FLAD1: variants seen among roughly 807,000 people sequenced by gnomAD.
The protein encoded by FLAD1 is bifunctional FAD diphosphatase/FAD synthase.
FLAD1 carries 35 observed loss-of-function variants against 55.0 expected under a neutral mutation model. The observed-to-expected ratio is 0.64, with a 90% CI of 0.49 to 0.84. The LOEUF (loss-of-function observed/expected upper bound fraction) is 0.84. FLAD1 is among the 40% of genes least tolerant of loss of function. FLAD1 has a pLI of 0.00. For synonymous variants in FLAD1, 267 were observed against 303.0 expected (o/e 0.88, Z 1.23); for missense variants, 665 against 742.6 (o/e 0.90, Z 1.21).
In FLAD1 at chr1:154,992,889, C is replaced by T. The variant is rs1571492820; in HGVS notation, c.1629-13C>T. On this transcript the variant is annotated splice_polypyrimidine_tract_variant and intron_variant, in intron 6 of 6. Transcript: ENST00000292180. ...CCCTACCACATGCTTGCCCTCCACC[C>T]TCCCTGCTCCAGATACACATCACTG... The T allele has an allele frequency of 1.2e-6, 2 of 1,614,078 alleles. No individual in the cohort carries two copies. The highest frequency in any genetic ancestry group is 1.7e-6 in the Non-Finnish European group (2 of 1,179,986).
intron 1 of FLAD1, chr1:154,987,792 G>A (rs1558074345): frequency 5.4e-6 from 3 of 556,490 alleles, no homozygotes; most frequent in Non-Finnish European, 6.1e-6. Flanking sequence ...TTTAAAATGA[G>A]CTGAATGTGG....
At chr1:154,990,828 A>T (rs980660192) in intron 5 of FLAD1, 3 of 242,092 alleles carry the variant, frequency 1.2e-5, no homozygotes, top group African/African-American at 2.2e-5. Context: ...AATGAAATAC[A>T]TATGACTAAA....
Position 154,993,090 on chromosome 1 carries a change from A to C in FLAD1, c.*53A>C, listed in dbSNP as rs748420381. 171 of 1,552,414 alleles carry C rather than the reference A, an allele frequency of 1.1e-4. No homozygotes were observed. Among genetic ancestry groups the C allele is most frequent in the Non-Finnish European group, 1.3e-4 (146 of 1,126,384 alleles). ...CACCGTCCTAGGGTATAACCTGGCAATAAACCGTGCCTCTCACTGTGCCTG... is the reference window on the plus strand; with the variant it reads ...CACCGTCCTAGGGTATAACCTGGCACTAAACCGTGCCTCTCACTGTGCCTG... On this transcript the variant is annotated 3_prime_UTR_variant, in exon 7 of 7. Coordinates refer to ENST00000292180, the MANE Select transcript of FLAD1 (RefSeq NM_025207.5).
rs961924693 is a variant in FLAD1, at chr1:154,983,518, A to G, written c.-177A>G. On this transcript the variant is annotated 5_prime_UTR_variant, in exon 1 of 7. An upstream start codon of the reference 5' UTR is lost. Transcript: ENST00000292180. ...GATTTTGGTCCGGGGTGGAGAGCGA[A>G]TGCATTGAAAAGGGCCAAGGCCCAG... The G allele has an allele frequency of 1.8e-6, 1 of 566,638 alleles. No homozygotes were observed. Among genetic ancestry groups the G allele is most frequent in the African/African-American group, 1.9e-5 (1 of 53,394 alleles). The allele number at this position is 566,638 out of a possible 1,614,324, so 35.1% of individuals were successfully genotyped here.
In FLAD1 at chr1:154,983,503, C is replaced by T. The variant is rs1418733752; in HGVS notation, c.-192C>T. The T allele has an allele frequency of 5.8e-6, 3 of 515,192 alleles. No individual in the cohort carries two copies. The highest frequency in any genetic ancestry group is 3.8e-5 in the African/African-American group (2 of 52,324). 31.9% of individuals were successfully genotyped at this position (515,192 alleles called of 1,614,324 possible). On this transcript the variant is annotated 5_prime_UTR_variant, in exon 1 of 7. Coordinates refer to ENST00000292180, the MANE Select transcript of FLAD1 (RefSeq NM_025207.5). ...AGTAGAAAGAGACGGGATTTTGGTC[C>T]GGGGTGGAGAGCGAATGCATTGAAA...
chr1:154,987,144 C>T (rs1208610546), intron 1 of FLAD1, among the ~76,000 whole-genome samples: 1 of 152,040 alleles, frequency 6.6e-6, no homozygotes. Flanking sequence ...CCACCCACTT[C>T]AGCCTCCCAA....
intron 1 of FLAD1, among the ~76,000 whole-genome samples, chr1:154,985,031 A>ATTTTCT (rs1657506287): frequency 3.1e-5 from 1 of 32,552 alleles, no homozygotes. Context: ...CACCTGGCTA[A>ATTTTCT]TTTTTTTTTT....
intron 1 of FLAD1, among the ~76,000 whole-genome samples, chr1:154,984,659 G>C (rs906094829): frequency 4.8e-5 from 7 of 145,646 alleles, no homozygotes; most frequent in Admixed American, 1.4e-4. Flanking sequence ...AGTGAGCTGA[G>C]ATCGTGCCAT....
In FLAD1 at chr1:154,988,689, C is replaced by G; in HGVS notation, c.957C>G (p.Asn319Lys). The change falls in exon 2 of 7, where the codon AAC becomes AAG. Residue 319 changes from asparagine (N) to lysine (K), a missense_variant. Transcript: ENST00000292180. ...GTTCCTACCCTGACTGGGGCAGCAA[C>G]TACTATCAGGTGAAGCTGACTCTAG... ...GLGSYPDWGS[N>K]YYQVKLTLDS... 1 of 1,614,196 alleles carries G rather than the reference C, an allele frequency of 6.2e-7. No individual in the cohort carries two copies. The highest frequency in any genetic ancestry group is 8.5e-7 in the Non-Finnish European group (1 of 1,180,026).
chr1:154,984,585 G>A (rs1458718190), intron 1 of FLAD1, among the ~76,000 whole-genome samples: 2 of 151,836 alleles, frequency 1.3e-5, no homozygotes, highest in Non-Finnish European at 2.9e-5. Context: ...GTGCATGCCT[G>A]TAATCCCAGC....
intron 1 of FLAD1, among the ~76,000 whole-genome samples, chr1:154,984,849 G>A (rs1657495727): frequency 6.6e-6 from 1 of 151,902 alleles, no homozygotes; most frequent in African/African-American, 2.4e-5. Flanking sequence ...TCTTACTAGA[G>A]GACATAACAG....
At position 154,988,859 on chromosome 1, in the gene FLAD1, T is replaced by A. The variant is rs745719219; in HGVS notation, c.1117+10T>A. The A allele has an allele frequency of 7.4e-6, 12 of 1,613,854 alleles. No individual in the cohort carries two copies. Among genetic ancestry groups the A allele is most frequent in the Admixed American group, 5.0e-5 (3 of 60,000 alleles). On this transcript the variant is annotated intron_variant, in intron 2 of 6. Transcript: ENST00000292180. The stretch of plus-strand genomic sequence containing the variant: ...AAACTCGCTGAATCAGGTAGGGACC[T>A]TATGGAGGAGGGGCATTATGCCCAA...
In FLAD1 at chr1:154,990,253, A is replaced by G; in HGVS notation, c.1360A>G (p.Lys454Glu). The G allele has an allele frequency of 6.2e-7, 1 of 1,614,014 alleles. No homozygotes were observed. The highest frequency in any genetic ancestry group is 8.5e-7 in the Non-Finnish European group (1 of 1,179,872). The stretch of plus-strand genomic sequence containing the variant: ...GGAACAGTTTCTACAGGACACTATC[A>G]AGAGGTACTAGGGGCCTGGAGGTTT... Reference protein sequence around the residue: ...ELEQFLQDTIKRYNLQMLEAE... With the variant: ...ELEQFLQDTIERYNLQMLEAE... Residue 454 changes from lysine to glutamate, a missense_variant, in exon 4 of 7, where the codon AAG becomes GAG. Lys to Glu is a moderately conservative substitution (Grantham distance 56). Coordinates refer to ENST00000292180, the MANE Select transcript of FLAD1 (RefSeq NM_025207.5).
rs1657780614 is a variant in FLAD1 at position 154,989,709 on chromosome 1, T to A, written c.1265+2T>A. 6.6e-7 allele frequency: 1 copy of A among 1,506,726 alleles called. No homozygotes were observed. Among genetic ancestry groups the A allele is most frequent in the Non-Finnish European group, 8.9e-7 (1 of 1,124,680 alleles). 93.3% of individuals were successfully genotyped at this position (1,506,726 alleles called of 1,614,324 possible). A position where few individuals can be genotyped will look rare whatever the true frequency, so the allele number is the denominator to read the frequency against. On this transcript the variant is annotated splice_donor_variant, in intron 3 of 6. Transcript: ENST00000292180. LOFTEE classifies it high-confidence loss of function. ...CCTCTTCCATGCAGCTGTGCAGAGG[T>A]GAGCCTGCCCCCGGGAGACAAGACC...
At chr1:154,987,501 A>G (rs1368501819) in intron 1 of FLAD1, 1 of 159,920 alleles carries the variant, frequency 6.3e-6, no homozygotes, top group East Asian at 1.9e-4. Context: ...TCCAAGAGTG[A>G]TGCAATCACA....
At chr1:154,985,794 T>C (rs113413682) in intron 1 of FLAD1, among the ~76,000 whole-genome samples, 112 of 149,990 alleles carry the variant, frequency 7.5e-4, no homozygotes, top group African/African-American at 2.7e-3. Flanking sequence ...GGCTCGATCT[T>C]GGCTCACCGT....
At position 154,988,245 on chromosome 1, in the gene FLAD1, C is replaced by T. The variant is rs765442744; in HGVS notation, c.513C>T (p.Thr171=). The T allele has an allele frequency of 6.2e-7, 1 of 1,614,228 alleles. No individual in the cohort carries two copies. The highest frequency in any genetic ancestry group is 1.1e-5 in the South Asian group (1 of 91,086). ...AEVTSFSNRF[T]HVLTAGGIGP... is the part of the protein sequence containing the mutation. The stretch of plus-strand genomic sequence containing the variant: ...TCACTTCTTTCTCCAACCGCTTCAC[C>T]CATGTCCTCACAGCAGGGGGCATCG... Residue 171 remains threonine, a synonymous_variant, in exon 2 of 7, where the codon ACC becomes ACT. Transcript: ENST00000292180.
chr1:154,987,691 C>T, intron 1 of FLAD1: 1 of 271,736 alleles, frequency 3.7e-6, no homozygotes, highest in Non-Finnish European at 7.0e-6. Flanking sequence ...AATTCCAGCA[C>T]TTTGGGAGGC....
intron 1 of FLAD1, chr1:154,987,414 C>T (rs1299912973): frequency 6.5e-6 from 1 of 153,534 alleles, no homozygotes; most frequent in Non-Finnish European, 1.4e-5. Flanking sequence ...GTATACGCCA[C>T]AGACAGCCCC....
Sources: allele counts gnomAD v4.1 joint callset (sites outside exome capture counted in the v4.1 genomes callset), GRCh38; gene constraint gnomAD v4.1.1; transcripts MANE v1.5; gene names NCBI Gene and HGNC (gene_info 2026-07-23, HGNC 2026-07-21).